Variants in CHAC2 observed in about 807,000 individuals in gnomAD.
CHAC2 encodes glutathione-specific gamma-glutamylcyclotransferase 2.
A neutral mutation model predicts 16.9 loss-of-function variants in CHAC2; 20 were observed. The observed-to-expected ratio is 1.18, with a 90% CI of 0.83 to 1.72. CHAC2 has a LOEUF of 1.72. Among genes scored for constraint, CHAC2 ranks in the 40% most tolerant of loss-of-function variants. CHAC2 has a pLI of 0.00. For missense variants in CHAC2, 269 were observed against 222.2 expected (o/e 1.21, Z -1.34); for synonymous variants, 91 against 77.3 (o/e 1.18, Z -0.93).
At chr2:53,768,098 C>T (rs995939108) in intron 1 of CHAC2, 77 bp downstream of exon 1, 1 of 1,537,476 alleles carries the variant, frequency 6.5e-7, no homozygotes, top group Non-Finnish European at 8.9e-7. Flanking sequence ...CACCCACACC[C>T]TAGAGAACCA....
chr2:53,770,498 TA>T (rs76201682), intron 1 of CHAC2, among the ~76,000 whole-genome samples: 27,149 of 110,196 alleles, frequency 0.25, 2,543 homozygotes, highest in African/African-American at 0.28. Flanking sequence ...GAAGTTTATT[TA>T]AAAAAAAAAA....
intron 1 of CHAC2, among the ~76,000 whole-genome samples, chr2:53,769,664 T>C (rs1247379300): frequency 6.6e-6 from 1 of 152,160 alleles, no homozygotes; most frequent in South Asian, 2.1e-4. Flanking sequence ...CTGACCAACA[T>C]GGAGAAACCC....
Position 53,768,033 on chromosome 2 carries a change from G to A in CHAC2, c.135+12G>A, listed in dbSNP as rs918173510. The A allele has an allele frequency of 2.0e-5, 32 of 1,612,180 alleles. No individual in the cohort carries two copies. Among genetic ancestry groups the A allele is most frequent in the Non-Finnish European group, 2.6e-5 (31 of 1,179,922 alleles). Reference sequence around the variant, plus strand: ...GGGTCCCCGGCAAGGTGAGGCGCCGGTCAGCTCCCCACACTTACTGCCCCC... The same window carrying A: ...GGGTCCCCGGCAAGGTGAGGCGCCGATCAGCTCCCCACACTTACTGCCCCC... On this transcript the variant is annotated intron_variant, in intron 1 of 2. Transcript: ENST00000295304.
chr2:53,768,111 C>G, intron 1 of CHAC2, 90 bp downstream of exon 1: 7 of 1,455,832 alleles, frequency 4.8e-6, no homozygotes, highest in Non-Finnish European at 5.6e-6. Flanking sequence ...GAGAACCACA[C>G]CTTAGCGCTT....
intron 1 of CHAC2, among the ~76,000 whole-genome samples, chr2:53,768,792 A>G (rs1455447060): frequency 6.6e-6 from 1 of 152,250 alleles, no homozygotes; most frequent in Non-Finnish European, 1.5e-5. Flanking sequence ...TGTATAGAGA[A>G]TTAGCAGCAG....
chr2:53,772,987 G>C (rs891461499), intron 2 of CHAC2, among the ~76,000 whole-genome samples: 2 of 151,994 alleles, frequency 1.3e-5, no homozygotes, highest in African/African-American at 4.8e-5. Context: ...CATTTTATTG[G>C]GGTACAGATT....
In CHAC2 at chr2:53,768,978, A is replaced by ACC. The variant is rs1673697485; in HGVS notation, c.135+957_135+958insCC. Among the ~76,000 whole-genome samples the ACC allele has an allele frequency of 7.2e-5, 11 of 152,364 alleles. No individual in the cohort carries two copies. In the South Asian group the frequency reaches 2.3e-3, roughly 32 times the overall value. Reference sequence around the variant, plus strand: ...GAGACATGGGATTAAAATCACGAAAAGAACCTGAATTAGAAACCATTCTAT... The same window carrying ACC: ...GAGACATGGGATTAAAATCACGAAAACCGAACCTGAATTAGAAACCATTCTAT... On this transcript the variant is annotated intron_variant, in intron 1 of 2. Coordinates refer to ENST00000295304, the MANE Select transcript of CHAC2 (RefSeq NM_001008708.4).
chr2:53,770,846 T>A (rs953320969), intron 1 of CHAC2, among the ~76,000 whole-genome samples: 1 of 152,188 alleles, frequency 6.6e-6, no homozygotes, highest in African/African-American at 2.4e-5. Flanking sequence ...GACCTTTAAA[T>A]AGGGCAAAGT....
chr2:53,771,561 T>G (rs1391570549), intron 1 of CHAC2, among the ~76,000 whole-genome samples: 1 of 152,166 alleles, frequency 6.6e-6, no homozygotes, highest in Non-Finnish European at 1.5e-5. Context: ...CTTTTTTCCT[T>G]AAGGGAAAAA....
Position 53,768,035 on chromosome 2 carries a change from C to G in CHAC2, c.135+14C>G, listed in dbSNP as rs1350284557. 5.0e-6 allele frequency: 8 copies of G among 1,611,808 alleles called. No homozygotes were observed. Among genetic ancestry groups the G allele is most frequent in the Middle Eastern group, 1.6e-4 (1 of 6,068 alleles). On this transcript the variant is annotated intron_variant, in intron 1 of 2. Coordinates refer to ENST00000295304, the MANE Select transcript of CHAC2 (RefSeq NM_001008708.4). ...GTCCCCGGCAAGGTGAGGCGCCGGT[C>G]AGCTCCCCACACTTACTGCCCCCTG... is the stretch of plus-strand genomic sequence containing the variant.
At chr2:53,771,372 G>A (rs531884326) in intron 1 of CHAC2, among the ~76,000 whole-genome samples, 80 of 152,202 alleles carry the variant, frequency 5.3e-4, no homozygotes, top group Non-Finnish European at 1.0e-3. Context: ...AATTAGCTGG[G>A]TGTCTTGGCG....
chr2:53,769,666 G>C (rs1673753964), intron 1 of CHAC2, among the ~76,000 whole-genome samples: 1 of 152,188 alleles, frequency 6.6e-6, no homozygotes, highest in Admixed American at 6.5e-5. Context: ...GACCAACATG[G>C]AGAAACCCCC....
Position 53,774,228 on chromosome 2 carries a change from C to G in CHAC2, c.258C>G (p.Gly86=), listed in dbSNP as rs1294702413. The part of the protein sequence containing the change: ...KAYLDFREKG[G]YRTTTVIFYP... ...ACCTTGACTTCAGAGAAAAAGGAGG[C>G]TACAGAACCACAACAGTCATTTTTT... is the stretch of plus-strand genomic sequence containing the variant. The change falls in exon 3 of 3, where the codon GGC becomes GGG. Residue 86 remains glycine (G), a synonymous_variant. Transcript: ENST00000295304. 6.2e-7 allele frequency: 1 copy of G among 1,613,934 alleles called. No homozygotes were observed. Among genetic ancestry groups the G allele is most frequent in the Non-Finnish European group, 8.5e-7 (1 of 1,180,008 alleles).
intron 2 of CHAC2, among the ~76,000 whole-genome samples, chr2:53,773,087 T>G (rs1303740635): frequency 6.6e-6 from 1 of 152,146 alleles, no homozygotes; most frequent in Non-Finnish European, 1.5e-5. Context: ...AGATAAATAA[T>G]GGTGTGGATT....
At chr2:53,770,481 C>T (rs940612979) in intron 1 of CHAC2, among the ~76,000 whole-genome samples, 3 of 141,428 alleles carry the variant, frequency 2.1e-5, no homozygotes, top group Admixed American at 1.5e-4. Flanking sequence ...TTTGGTACTC[C>T]GTGGACGAAG....
At position 53,770,414 on chromosome 2, in the gene CHAC2, T is replaced by A. The variant is rs575583605; in HGVS notation, c.136-1493T>A. On this transcript the variant is annotated intron_variant, in intron 1 of 2. Coordinates refer to ENST00000295304, the MANE Select transcript of CHAC2 (RefSeq NM_001008708.4). ...TTGGGCATACAAGTAGGTAAAATTG[T>A]GGCTTATGACTCAGCATTCCCATGA... 2.6e-5 allele frequency among the ~76,000 whole-genome samples: 4 copies of A among 151,246 alleles called. No individual in the cohort carries two copies. The South Asian group carries it at 8.4e-4, about 32-fold the overall frequency.
At chr2:53,773,948 T>C (rs1300469749) in intron 2 of CHAC2, among the ~76,000 whole-genome samples, 194 bp from the exon 3 acceptor site, 1 of 152,064 alleles carries the variant, frequency 6.6e-6, no homozygotes, top group African/African-American at 2.4e-5. Context: ...GGCAGGAGAA[T>C]AGCTTGAACC....
intron 1 of CHAC2, 136 bp from the exon 2 acceptor site, chr2:53,771,771 A>G (rs1159223315): frequency 1.5e-6 from 1 of 681,748 alleles, no homozygotes; most frequent in Non-Finnish European, 2.6e-6. Context: ...ATCATAAAAA[A>G]TAACTATGCT....
At chr2:53,768,116 G>T (rs1254043641) in intron 1 of CHAC2, 95 bp downstream of exon 1, 1 of 1,420,034 alleles carries the variant, frequency 7.0e-7, no homozygotes, top group Non-Finnish European at 9.6e-7. Flanking sequence ...CCACACCTTA[G>T]CGCTTCATGG....
Sources: gnomAD v4.1 joint callset for allele counts (sites outside exome capture counted in the v4.1 genomes callset) on GRCh38, gnomAD v4.1.1 for gene constraint, MANE v1.5 for transcripts, NCBI Gene and HGNC (gene_info 2026-07-23, HGNC 2026-07-21) for gene names.